Variants in CRPPA observed in about 807,000 individuals in gnomAD.
CRPPA encodes the protein D-ribitol-5-phosphate cytidylyltransferase.
In CRPPA, 43 loss-of-function variants were observed where a neutral mutation model predicts 52.0. That is an observed-to-expected ratio of 0.83 (90% CI 0.65 to 1.07). The LOEUF is 1.07. Among genes scored for constraint, CRPPA ranks in the 50% least tolerant of loss-of-function variants. The pLI, the probability that CRPPA is intolerant of heterozygous loss-of-function variation, is 0.00. For missense variants in CRPPA, 629 were observed against 551.7 expected, an observed-to-expected ratio of 1.14 and a Z score of -1.40; for synonymous variants, 250 against 203.5, an observed-to-expected ratio of 1.23 and a Z score of -1.94.
chr7:16,257,514 G>A (rs143530013), intron 8 of CRPPA, among the ~76,000 whole-genome samples: 2 of 152,172 alleles, frequency 1.3e-5, no homozygotes, highest in East Asian at 3.9e-4. Context: ...AGAGGCCACT[G>A]AATTAATTAA....
chr7:16,407,395 G>A (rs751443792), intron 1 of CRPPA, among the ~76,000 whole-genome samples: 39 of 152,172 alleles, frequency 2.6e-4, no homozygotes, highest in Non-Finnish European at 4.7e-4. Flanking sequence ...GCTAATGGAG[G>A]CAAGCATCAC....
At chr7:16,286,097 A>AAAAAAT in intron 5 of CRPPA, among the ~76,000 whole-genome samples, 6 of 39,116 alleles carry the variant, frequency 1.5e-4, no homozygotes, top group East Asian at 1.2e-3. Context: ...TAAAAAAAAA[A>AAAAAAT]ATATATATAT....
intron 9 of CRPPA, among the ~76,000 whole-genome samples, chr7:16,129,768 G>C (rs554382785): frequency 2.6e-4 from 40 of 152,294 alleles, no homozygotes; most frequent in African/African-American, 8.7e-4. Context: ...GTTTCTGCAA[G>C]TGTTTCAGGA....
chr7:16,348,658 C>G (rs1786074690), intron 3 of CRPPA, among the ~76,000 whole-genome samples: 1 of 152,212 alleles, frequency 6.6e-6, no homozygotes, highest in African/African-American at 2.4e-5. Context: ...GTGGTTGCTG[C>G]ACACTCTTTC....
intron 1 of CRPPA, among the ~76,000 whole-genome samples, chr7:16,408,839 A>C (rs973626988): frequency 6.6e-6 from 1 of 152,214 alleles, no homozygotes; most frequent in Non-Finnish European, 1.5e-5. Flanking sequence ...ACTGGAGAAG[A>C]TGTGATGACA....
At chr7:16,125,385 T>C (rs188095008) in intron 9 of CRPPA, among the ~76,000 whole-genome samples, 189 of 151,920 alleles carry the variant, frequency 1.2e-3, no homozygotes, top group African/African-American at 4.2e-3. Flanking sequence ...GTACCAAGCA[T>C]AGTCTCTGTC....
At position 16,365,151 on chromosome 7, in the gene CRPPA, G is replaced by A. The variant is rs78693955; in HGVS notation, c.684+10941C>T. On this transcript the variant is annotated intron_variant, in intron 3 of 9. Transcript: ENST00000407010. ...CTGATTTCTACCTATAGCTTCCTCTGGAGACAGAGAACCATGATACAGGTC... is the reference window on the plus strand; with the variant it reads ...CTGATTTCTACCTATAGCTTCCTCTAGAGACAGAGAACCATGATACAGGTC... Among the ~76,000 whole-genome samples the A allele has an allele frequency of 5.6e-3, 857 of 152,258 alleles. 8 individuals are homozygous for A. Among genetic ancestry groups the A allele is most frequent in the African/African-American group, 0.019 (795 of 41,540 alleles).
intron 8 of CRPPA, among the ~76,000 whole-genome samples, chr7:16,221,076 G>T (rs898829074): frequency 1.3e-5 from 2 of 151,916 alleles, no homozygotes; most frequent in African/African-American, 4.8e-5. Flanking sequence ...AAAACAGCAT[G>T]GTACTGGTAC....
chr7:16,294,690 G>C (rs930752126), intron 5 of CRPPA, among the ~76,000 whole-genome samples: 1 of 151,906 alleles, frequency 6.6e-6, no homozygotes, highest in African/African-American at 2.4e-5. Context: ...CATACTCAAA[G>C]CCAGAAACAT....
At chr7:16,335,089 G>A (rs529227788) in intron 3 of CRPPA, among the ~76,000 whole-genome samples, 71 of 145,628 alleles carry the variant, frequency 4.9e-4, no homozygotes, top group Middle Eastern at 3.7e-3. Context: ...GGAGGCTGAG[G>A]CAGGAGAACT....
intron 3 of CRPPA, among the ~76,000 whole-genome samples, chr7:16,320,231 G>A (rs2128427199): frequency 6.6e-6 from 1 of 152,206 alleles, no homozygotes; most frequent in East Asian, 1.9e-4. Context: ...ACAAGATAAT[G>A]TGCATTCTAA....
intron 3 of CRPPA, among the ~76,000 whole-genome samples, chr7:16,335,602 G>C (rs1175907886): frequency 1.3e-5 from 2 of 152,092 alleles, no homozygotes; most frequent in Admixed American, 6.6e-5. Flanking sequence ...ACAACAAAGA[G>C]AGAAAAGAAT....
At chr7:16,363,729 T>C (rs760079575) in intron 3 of CRPPA, among the ~76,000 whole-genome samples, 4 of 152,108 alleles carry the variant, frequency 2.6e-5, no homozygotes, top group East Asian at 1.9e-4. Context: ...CTGGAGGTCC[T>C]GACCAAAGCA....
chr7:16,125,789 G>A (rs1403711281), intron 9 of CRPPA, among the ~76,000 whole-genome samples: 2 of 151,734 alleles, frequency 1.3e-5, no homozygotes, highest in Non-Finnish European at 1.5e-5. Flanking sequence ...CAAGAAGCTC[G>A]ATCAAGATGG....
At chr7:16,227,691 C>G (rs7807183) in intron 8 of CRPPA, among the ~76,000 whole-genome samples, 34,572 of 151,610 alleles carry the variant, frequency 0.23, 4,239 homozygotes, top group South Asian at 0.42. Flanking sequence ...TGGTTCCTCT[C>G]ATTCTGTAAG....
chr7:16,236,455 C>A (rs1188025668), intron 8 of CRPPA, among the ~76,000 whole-genome samples: 1 of 152,052 alleles, frequency 6.6e-6, no homozygotes, highest in African/African-American at 2.4e-5. Flanking sequence ...AAAATTGAAT[C>A]ATATTATACT....
At chr7:16,226,442 T>A (rs182416353) in intron 8 of CRPPA, among the ~76,000 whole-genome samples, 3 of 150,786 alleles carry the variant, frequency 2.0e-5, no homozygotes, top group Admixed American at 6.9e-5. Context: ...TTGAACAGAT[T>A]TTTTTTTCCA....
chr7:16,242,328 C>G (rs1783139550), intron 8 of CRPPA, among the ~76,000 whole-genome samples: 2 of 152,064 alleles, frequency 1.3e-5, no homozygotes, highest in Admixed American at 1.3e-4. Flanking sequence ...AACACATTTA[C>G]TATATTACTT....
chr7:16,280,986 C>G (rs545848769), intron 5 of CRPPA, among the ~76,000 whole-genome samples: 3 of 152,292 alleles, frequency 2.0e-5, no homozygotes, highest in African/African-American at 4.8e-5. Context: ...CGCCACTACA[C>G]TCCAGCCTGA....
Sources: gnomAD v4.1 joint callset for allele counts (sites outside exome capture counted in the v4.1 genomes callset) on GRCh38, gnomAD v4.1.1 for gene constraint, MANE v1.5 for transcripts, NCBI Gene and HGNC (gene_info 2026-07-23, HGNC 2026-07-21) for gene names.